FSTL4: variants seen among roughly 807,000 people sequenced by gnomAD.
FSTL4 encodes the protein follistatin-related protein 4.
FSTL4 carries 28 observed loss-of-function variants against 78.2 expected under a neutral mutation model. The ratio of observed to expected loss-of-function variants is 0.36; its 90% CI spans 0.27 to 0.49. The LOEUF is 0.49. FSTL4 is among the 20% of genes least tolerant of loss of function. FSTL4 has a pLI of 0.98. For synonymous variants in FSTL4, 422 were observed against 440.5 expected (o/e 0.96, Z 0.53); for missense variants, 922 against 1,084.9 (o/e 0.85, Z 2.11).
At chr5:133,310,595 C>T (rs1210192409) in intron 6 of FSTL4, among the ~76,000 whole-genome samples, 1 of 152,210 alleles carries the variant, frequency 6.6e-6, no homozygotes, top group Non-Finnish European at 1.5e-5. Flanking sequence ...TGGTACCAGG[C>T]ACCAAGATGG....
intron 3 of FSTL4, among the ~76,000 whole-genome samples, chr5:133,497,902 G>A (rs1025258262): frequency 2.6e-5 from 4 of 152,170 alleles, no homozygotes; most frequent in African/African-American, 9.7e-5. Flanking sequence ...TTATCTAGAA[G>A]GTGCTTCTGC....
At chr5:133,620,756 T>C in the FSTL4 span, among the ~76,000 whole-genome samples, 3 of 152,198 alleles carry the variant, frequency 2.0e-5, no homozygotes, top group Non-Finnish European at 4.4e-5. Flanking sequence ...GCTTGTTACA[T>C]ACCAACAGGC....
intron 3 of FSTL4, among the ~76,000 whole-genome samples, chr5:133,439,066 T>C (rs1282647525): frequency 6.6e-6 from 1 of 152,190 alleles, no homozygotes; most frequent in East Asian, 1.9e-4. Context: ...AGAAGGAAAC[T>C]TGGACAGAGA....
chr5:133,700,399 C>T, the FSTL4 span, among the ~76,000 whole-genome samples: 41 of 151,566 alleles, frequency 2.7e-4, no homozygotes, highest in Non-Finnish European at 5.5e-4. Context: ...CACACCAAAC[C>T]ATCAGACCAA....
At chr5:133,370,115 C>T (rs954689631) in intron 4 of FSTL4, among the ~76,000 whole-genome samples, 1 of 152,222 alleles carries the variant, frequency 6.6e-6, no homozygotes, top group African/African-American at 2.4e-5. Context: ...TGTCACCGTG[C>T]ATGTGGTCAT....
chr5:133,517,076 C>CAA (rs33961033), intron 3 of FSTL4, among the ~76,000 whole-genome samples: 3,784 of 138,070 alleles, frequency 0.027, 77 homozygotes, highest in Middle Eastern at 0.078. Flanking sequence ...GACCCTGTCT[C>CAA]AAAAAAAAAA....
At chr5:133,399,512 G>A (rs1756162755) in intron 4 of FSTL4, among the ~76,000 whole-genome samples, 1 of 152,186 alleles carries the variant, frequency 6.6e-6, no homozygotes, top group Non-Finnish European at 1.5e-5. Flanking sequence ...GGGTGCAGGT[G>A]ACACAGATAG....
chr5:133,554,898 G>A (rs1387242104), intron 3 of FSTL4, among the ~76,000 whole-genome samples: 2 of 152,168 alleles, frequency 1.3e-5, no homozygotes, highest in Non-Finnish European at 2.9e-5. Context: ...GCATATTGAC[G>A]GCAGGGTCAG....
intron 6 of FSTL4, among the ~76,000 whole-genome samples, chr5:133,264,512 G>A (rs559690843): frequency 7.9e-5 from 12 of 152,300 alleles, no homozygotes; most frequent in South Asian, 6.2e-4. Context: ...CTCACCTGCC[G>A]TTCCTGGTGG....
intron 2 of FSTL4, among the ~76,000 whole-genome samples, chr5:133,569,085 G>A (rs1296877728): frequency 6.6e-6 from 1 of 151,860 alleles, no homozygotes; most frequent in East Asian, 1.9e-4. Context: ...TATATTTGAT[G>A]GCAATTTAAA....
At chr5:133,751,417 A>G in the FSTL4 span, among the ~76,000 whole-genome samples, 2 of 152,242 alleles carry the variant, frequency 1.3e-5, no homozygotes, top group Admixed American at 1.3e-4. Context: ...TTGTAAATAT[A>G]TTCCTCTGGA....
chr5:133,384,379 T>G (rs1392961402), intron 4 of FSTL4, among the ~76,000 whole-genome samples: 1 of 152,232 alleles, frequency 6.6e-6, no homozygotes, highest in Non-Finnish European at 1.5e-5. Flanking sequence ...TTCCCAGGAC[T>G]GTTCAGGGCC....
intron 3 of FSTL4, among the ~76,000 whole-genome samples, chr5:133,530,628 A>C (rs937260773): frequency 6.6e-6 from 1 of 152,248 alleles, no homozygotes; most frequent in African/African-American, 2.4e-5. Context: ...ATATGAGTTT[A>C]GCTAGAAAGA....
At chr5:133,736,706 G>A in the FSTL4 span, among the ~76,000 whole-genome samples, 1 of 152,142 alleles carries the variant, frequency 6.6e-6, no homozygotes, top group South Asian at 2.1e-4. Flanking sequence ...TACAGCCAAA[G>A]GCACTGGTGC....
the FSTL4 span, among the ~76,000 whole-genome samples, chr5:133,771,212 T>A: frequency 6.6e-6 from 1 of 152,108 alleles, no homozygotes; most frequent in Non-Finnish European, 1.5e-5. Context: ...AGGCTCTTTT[T>A]TGATTCCATA....
chr5:133,336,776 C>T (rs900163990), intron 4 of FSTL4, among the ~76,000 whole-genome samples: 4 of 152,212 alleles, frequency 2.6e-5, no homozygotes, highest in Admixed American at 2.0e-4. Context: ...CCTTCATCCT[C>T]CCTGGGGCCT....
At chr5:133,675,764 A>G in the FSTL4 span, among the ~76,000 whole-genome samples, 1 of 152,210 alleles carries the variant, frequency 6.6e-6, no homozygotes, top group Non-Finnish European at 1.5e-5. Context: ...TACACAAAAA[A>G]TGGGGGTTAA....
At chr5:133,574,699 A>G (rs1458476670) in intron 2 of FSTL4, 1 of 152,266 alleles carries the variant, frequency 6.6e-6, no homozygotes, top group Non-Finnish European at 1.5e-5. Context: ...ATGGTGGAAC[A>G]GATAAACTGT....
chr5:133,807,023 T>C, the FSTL4 span, among the ~76,000 whole-genome samples: 1 of 151,826 alleles, frequency 6.6e-6, no homozygotes, highest in Non-Finnish European at 1.5e-5. Context: ...CCACATGCTA[T>C]GAATATGCAT....
Sources: gnomAD v4.1 joint callset for allele counts (sites outside exome capture counted in the v4.1 genomes callset) on GRCh38, gnomAD v4.1.1 for gene constraint, MANE v1.5 for transcripts, NCBI Gene and HGNC (gene_info 2026-07-23, HGNC 2026-07-21) for gene names.